Variants in ANO3 observed in about 807,000 individuals in gnomAD.
ANO3 encodes the protein anoctamin-3.
A neutral mutation model predicts 144.8 loss-of-function variants in ANO3; 99 were observed. The observed-to-expected ratio is 0.68, with a 90% CI of 0.58 to 0.81. ANO3 has a LOEUF of 0.81. Among genes scored for constraint, ANO3 ranks in the 30% least tolerant of loss-of-function variants. The pLI is 0.00. For missense variants in ANO3, 905 were observed against 1,202.2 expected (o/e 0.75, Z 3.66); for synonymous variants, 414 against 392.6 (o/e 1.05, Z -0.64).
intron 1 of ANO3, among the ~76,000 whole-genome samples, chr11:26,236,959 G>T (rs919310120): frequency 6.6e-6 from 1 of 151,438 alleles, no homozygotes; most frequent in African/African-American, 2.4e-5. Context: ...ATATATTTGC[G>T]TTCAAAACCC....
chr11:26,577,207 G>A (rs1432630130), intron 14 of ANO3, among the ~76,000 whole-genome samples: 2 of 152,102 alleles, frequency 1.3e-5, no homozygotes, highest in Non-Finnish European at 2.9e-5. Context: ...TGGTTTTGGT[G>A]GTAGTCATGT....
intron 1 of ANO3, among the ~76,000 whole-genome samples, chr11:26,280,739 C>T (rs967026805): frequency 6.6e-6 from 1 of 152,160 alleles, no homozygotes; most frequent in African/African-American, 2.4e-5. Flanking sequence ...TATTTACCAT[C>T]ACGCCCAATA....
chr11:26,450,928 G>A (rs1032589615), intron 3 of ANO3, among the ~76,000 whole-genome samples: 5 of 152,180 alleles, frequency 3.3e-5, no homozygotes, highest in African/African-American at 9.7e-5. Context: ...TAGCTGTAAG[G>A]TTTATGTTGT....
intron 1 of ANO3, among the ~76,000 whole-genome samples, chr11:26,281,808 T>C (rs1212833892): frequency 6.6e-6 from 1 of 152,192 alleles, no homozygotes. Flanking sequence ...ATTGTCCTTC[T>C]GCAACTATGG....
chr11:26,231,418 T>C (rs1429344639), intron 1 of ANO3, among the ~76,000 whole-genome samples: 1 of 152,148 alleles, frequency 6.6e-6, no homozygotes, highest in Non-Finnish European at 1.5e-5. Flanking sequence ...TCATGAAGGT[T>C]TGGATGGAGA....
At chr11:26,236,536 C>G (rs933310494) in intron 1 of ANO3, among the ~76,000 whole-genome samples, 2 of 152,026 alleles carry the variant, frequency 1.3e-5, no homozygotes, top group Admixed American at 6.6e-5. Flanking sequence ...ATCTAAAAAT[C>G]GGCCGGGGGC....
At chr11:26,410,933 C>T (rs1437561579) in intron 1 of ANO3, among the ~76,000 whole-genome samples, 1 of 151,932 alleles carries the variant, frequency 6.6e-6, no homozygotes, top group South Asian at 2.1e-4. Context: ...TGTCAGAAGC[C>T]GCTTTGTCTT....
intron 4 of ANO3, among the ~76,000 whole-genome samples, chr11:26,479,320 A>AT (rs968524263): frequency 1.3e-4 from 20 of 152,316 alleles, no homozygotes; most frequent in African/African-American, 2.2e-4. Flanking sequence ...ATAAGAATAG[A>AT]TTTTTTAACA....
chr11:26,213,631 C>T (rs188147223), intron 1 of ANO3, among the ~76,000 whole-genome samples: 53 of 152,036 alleles, frequency 3.5e-4, no homozygotes, highest in Admixed American at 1.0e-3. Context: ...TAAGAGAGGA[C>T]GCAAACAAAT....
chr11:26,194,930 C>T (rs929349405), intron 1 of ANO3, among the ~76,000 whole-genome samples: 1 of 152,134 alleles, frequency 6.6e-6, no homozygotes, highest in Admixed American at 6.5e-5. Flanking sequence ...ATAATAATCA[C>T]ATCATAGTAA....
chr11:26,649,662 G>A (rs972825670), intron 24 of ANO3, among the ~76,000 whole-genome samples: 8 of 152,100 alleles, frequency 5.3e-5, no homozygotes, highest in South Asian at 4.2e-4. Flanking sequence ...GTTTGAACCC[G>A]AGAGGCGGAG....
At chr11:26,613,918 C>T (rs1042669840) in intron 17 of ANO3, among the ~76,000 whole-genome samples, 2 of 152,230 alleles carry the variant, frequency 1.3e-5, no homozygotes, top group Non-Finnish European at 1.5e-5. Flanking sequence ...CTGGCCATTT[C>T]CAGGCTGGCT....
chr11:26,483,857 G>A (rs1352329936), intron 4 of ANO3, among the ~76,000 whole-genome samples: 1 of 152,166 alleles, frequency 6.6e-6, no homozygotes, highest in Non-Finnish European at 1.5e-5. Flanking sequence ...CTATATACTT[G>A]TTACGTTGTT....
At chr11:26,548,537 T>C (rs949973919) in intron 12 of ANO3, among the ~76,000 whole-genome samples, 1 of 151,960 alleles carries the variant, frequency 6.6e-6, no homozygotes, top group African/African-American at 2.4e-5. Flanking sequence ...CTTCATGAGA[T>C]CATAACAATT....
intron 3 of ANO3, among the ~76,000 whole-genome samples, chr11:26,446,632 GT>G (rs1441792259): frequency 6.6e-6 from 1 of 152,164 alleles, no homozygotes; most frequent in Non-Finnish European, 1.5e-5. Flanking sequence ...CCAGCCATTG[GT>G]CAAATCTTTA....
intron 4 of ANO3, among the ~76,000 whole-genome samples, chr11:26,483,622 G>A (rs968237183): frequency 1.3e-5 from 2 of 152,204 alleles, no homozygotes; most frequent in African/African-American, 4.8e-5. Context: ...ACAGCCTGCA[G>A]AACCATGAGC....
At chr11:26,211,976 C>A (rs1377930725) in intron 1 of ANO3, among the ~76,000 whole-genome samples, 1 of 152,030 alleles carries the variant, frequency 6.6e-6, no homozygotes, top group Non-Finnish European at 1.5e-5. Context: ...CCAAACACTG[C>A]ATGTTCTCAC....
At position 26,449,452 on chromosome 11, in the gene ANO3, CTCTCTCTCTCTGTCTGTCTG is replaced by C. The variant is rs937323256; in HGVS notation, c.313+5628_313+5647del. Among the ~76,000 whole-genome samples, 26 of 114,646 alleles carry C rather than the reference CTCTCTCTCTCTGTCTGTCTG, an allele frequency of 2.3e-4. No homozygotes were observed. In the East Asian group the frequency reaches 6.4e-3, roughly 28 times the overall value. The allele number at this position is 114,646 out of a possible 152,430, so 75.2% of individuals were successfully genotyped here. ...AGACAAATGGATGAAAGAGCATTCC[CTCTCTCTCTCTGTCTGTCTG>C]TCTCTCTCTCTCTCTCACACACACA... On this transcript the variant is annotated intron_variant, in intron 3 of 26. Transcript: ENST00000256737.
chr11:26,300,674 G>A (rs1351148824), intron 1 of ANO3, among the ~76,000 whole-genome samples: 2 of 152,040 alleles, frequency 1.3e-5, no homozygotes, highest in Non-Finnish European at 2.9e-5. Flanking sequence ...TGGAACAGGT[G>A]TATAGAAAAA....
Sources: gnomAD v4.1 joint callset for allele counts (sites outside exome capture counted in the v4.1 genomes callset) on GRCh38, gnomAD v4.1.1 for gene constraint, MANE v1.5 for transcripts, NCBI Gene and HGNC (gene_info 2026-07-23, HGNC 2026-07-21) for gene names.